The following ARSB variants were observed in gnomAD, a reference collection of about 807,000 sequenced individuals.
ARSB encodes the protein arylsulfatase B, also known as N-acetylgalactosamine-4-sulfatase.
ARSB carries 41 observed loss-of-function variants against 50.9 expected under a neutral mutation model. That is an observed-to-expected ratio of 0.81 (90% CI 0.63 to 1.04). The LOEUF (loss-of-function observed/expected upper bound fraction) is 1.04. ARSB is among the 50% of genes least tolerant of loss of function. ARSB has a pLI of 0.00. For missense variants in ARSB, 672 were observed against 693.3 expected (o/e 0.97, Z 0.35); for synonymous variants, 269 against 284.8 (o/e 0.94, Z 0.56).
At chr5:78,827,742 T>C (rs1314397019) in intron 6 of ARSB, among the ~76,000 whole-genome samples, 1 of 152,196 alleles carries the variant, frequency 6.6e-6, no homozygotes, top group Non-Finnish European at 1.5e-5. Context: ...CAGCCTTTGT[T>C]TGGATAATTG....
chr5:78,808,088 G>A (rs1440612318), intron 6 of ARSB, among the ~76,000 whole-genome samples: 11 of 59,278 alleles, frequency 1.9e-4, no homozygotes, highest in East Asian at 4.2e-4. Context: ...GCGAGACTCC[G>A]TCTCAAAAAA....
chr5:78,837,603 AAGAGG>A (rs1441913264), intron 6 of ARSB, among the ~76,000 whole-genome samples: 3 of 152,218 alleles, frequency 2.0e-5, no homozygotes, highest in South Asian at 2.1e-4. Context: ...TTAAGAAAGG[AAGAGG>A]AGAGAAGTAA....
intron 5 of ARSB, among the ~76,000 whole-genome samples, chr5:78,862,564 C>G (rs923526053): frequency 6.6e-6 from 1 of 152,194 alleles, no homozygotes; most frequent in South Asian, 2.1e-4. Flanking sequence ...AAAGCTGAAA[C>G]TGGATCCCTT....
chr5:78,868,194 C>G (rs1278896994), intron 5 of ARSB, among the ~76,000 whole-genome samples: 1 of 140,388 alleles, frequency 7.1e-6, no homozygotes, highest in Non-Finnish European at 1.5e-5. Flanking sequence ...GATTGGTGTA[C>G]CTGAAAGTGA....
intron 4 of ARSB, among the ~76,000 whole-genome samples, chr5:78,888,645 A>G (rs546165105): frequency 6.6e-6 from 1 of 152,322 alleles, no homozygotes; most frequent in South Asian, 2.1e-4. Context: ...GGTGGTGGAA[A>G]TAAGAGTGGA....
At chr5:78,814,888 G>A (rs1743934344) in intron 6 of ARSB, among the ~76,000 whole-genome samples, 1 of 150,548 alleles carries the variant, frequency 6.6e-6, no homozygotes, top group East Asian at 2.0e-4. Flanking sequence ...ATGCTGCCCA[G>A]GTGACTTTAA....
At chr5:78,878,409 C>T (rs1342083294) in intron 5 of ARSB, among the ~76,000 whole-genome samples, 2 of 152,180 alleles carry the variant, frequency 1.3e-5, no homozygotes, top group African/African-American at 2.4e-5. Flanking sequence ...ACAGATAAGT[C>T]AGTGGGCTAA....
intron 5 of ARSB, among the ~76,000 whole-genome samples, chr5:78,875,671 A>AT (rs201026431): frequency 0.02 from 2,836 of 145,140 alleles, 89 homozygotes; most frequent in African/African-American, 0.068. Context: ...TTATATTATT[A>AT]TTATTTTTTT....
intron 4 of ARSB, among the ~76,000 whole-genome samples, chr5:78,935,198 A>T (rs1216563893): frequency 1.3e-5 from 2 of 152,226 alleles, no homozygotes; most frequent in Non-Finnish European, 2.9e-5. Context: ...TGAAGAAAAG[A>T]AGAAAGTATC....
intron 5 of ARSB, among the ~76,000 whole-genome samples, chr5:78,848,131 A>G (rs1259720772): frequency 4.0e-5 from 6 of 150,852 alleles, no homozygotes; most frequent in Non-Finnish European, 8.9e-5. Context: ...GGTTAGTTAC[A>G]TATGTATACA....
chr5:78,978,076 C>T (rs1752741298), intron 1 of ARSB, among the ~76,000 whole-genome samples: 1 of 152,146 alleles, frequency 6.6e-6, no homozygotes, highest in African/African-American at 2.4e-5. Context: ...TGGTGGCTCA[C>T]GTCTATAATC....
At chr5:78,972,109 G>C (rs776540153) in intron 1 of ARSB, among the ~76,000 whole-genome samples, 30 of 152,222 alleles carry the variant, frequency 2.0e-4, no homozygotes, top group Non-Finnish European at 2.9e-4. Context: ...TCAGGTTTCT[G>C]ATTGGGCTTA....
At chr5:78,930,229 A>G (rs1425422241) in intron 4 of ARSB, among the ~76,000 whole-genome samples, 2 of 152,150 alleles carry the variant, frequency 1.3e-5, no homozygotes. Flanking sequence ...TTTGTTCCCC[A>G]CCTCTATTTC....
intron 6 of ARSB, among the ~76,000 whole-genome samples, chr5:78,821,634 C>T (rs1744227868): frequency 6.6e-6 from 1 of 152,170 alleles, no homozygotes. Context: ...TTGAGCACTG[C>T]TAAATTCAGT....
In ARSB at chr5:78,922,525, G is replaced by A. The variant is rs1310028693; in HGVS notation, c.898+32770C>T. Among the ~76,000 whole-genome samples the A allele has an allele frequency of 3.3e-5, 5 of 152,034 alleles. No homozygotes were observed. In the East Asian group the frequency reaches 9.7e-4, roughly 30 times the overall value. Reference sequence around the variant, plus strand: ...TCACCTGCTAACTTAAGAGCCCTTGGGCTCTGAATAGTCAGCAGCAATACC... The same window carrying A: ...TCACCTGCTAACTTAAGAGCCCTTGAGCTCTGAATAGTCAGCAGCAATACC... On this transcript the variant is annotated intron_variant, in intron 4 of 7. Coordinates refer to ENST00000264914, the MANE Select transcript of ARSB (RefSeq NM_000046.5).
At chr5:78,930,731 C>A (rs1235284336) in intron 4 of ARSB, among the ~76,000 whole-genome samples, 2 of 152,160 alleles carry the variant, frequency 1.3e-5, no homozygotes, top group Non-Finnish European at 2.9e-5. Flanking sequence ...TGCTTTGTAC[C>A]TAACTGCCAA....
intron 6 of ARSB, among the ~76,000 whole-genome samples, chr5:78,799,246 T>C (rs1222945008): frequency 1.3e-5 from 2 of 152,194 alleles, no homozygotes; most frequent in Admixed American, 6.5e-5. Context: ...CCGCCTCAAG[T>C]GCTCAAGAAT....
chr5:78,839,019 C>A (rs1051596746), intron 6 of ARSB, among the ~76,000 whole-genome samples: 1 of 152,174 alleles, frequency 6.6e-6, no homozygotes, highest in Non-Finnish European at 1.5e-5. Context: ...CAGGTAAGAA[C>A]AGGGCAGCAA....
rs35281545 is a variant in ARSB, at chr5:78,834,953, CCCCTCCCTCCCT to C, written c.1213+4391_1213+4402del. 3.5e-4 allele frequency among the ~76,000 whole-genome samples: 49 copies of C among 139,834 alleles called. 1 individual carries two copies. The South Asian group carries it at 9.9e-3, about 28-fold the overall frequency. The allele number at this position is 139,834 out of a possible 152,430, so 91.7% of individuals were successfully genotyped here. On this transcript the variant is annotated intron_variant, in intron 6 of 7. Coordinates refer to ENST00000264914, the MANE Select transcript of ARSB (RefSeq NM_000046.5). Reference sequence around the variant, plus strand: ...CTACATCCTCAACAATTCTTATTTTCCCCTCCCTCCCTCCCTCCCTTCCTTCCTTTTTCCACT... The same window carrying C: ...CTACATCCTCAACAATTCTTATTTTCCCCTCCCTTCCTTCCTTTTTCCACT...
Sources: gnomAD v4.1 joint callset for allele counts (sites outside exome capture counted in the v4.1 genomes callset) on GRCh38, gnomAD v4.1.1 for gene constraint, MANE v1.5 for transcripts, NCBI Gene and HGNC (gene_info 2026-07-23, HGNC 2026-07-21) for gene names.